The following ZBTB44 variants were observed in gnomAD, a reference collection of about 807,000 sequenced individuals.
ZBTB44 encodes the protein zinc finger and BTB domain-containing protein 44.
A neutral mutation model predicts 54.0 loss-of-function variants in ZBTB44; 15 were observed. That is an observed-to-expected ratio of 0.28 (90% CI 0.19 to 0.43). ZBTB44 has a LOEUF of 0.43. Among genes scored for constraint, ZBTB44 ranks in the 20% least tolerant of loss-of-function variants. The probability of loss-of-function intolerance (pLI) is 1.00; values close to 1 mark genes in which losing one functional copy is unlikely to be tolerated. For synonymous variants in ZBTB44, 230 were observed against 250.1 expected (o/e 0.92, Z 0.76); for missense variants, 487 against 707.1 (o/e 0.69, Z 3.53).
intron 1 of ZBTB44, among the ~76,000 whole-genome samples, chr11:130,273,474 G>A (rs1939831011): frequency 6.6e-6 from 1 of 151,768 alleles, no homozygotes; most frequent in Non-Finnish European, 1.5e-5. Context: ...CAACATGCCT[G>A]GCTAATTTTT....
chr11:130,263,223 G>C (rs1939006251), intron 1 of ZBTB44, among the ~76,000 whole-genome samples: 1 of 152,184 alleles, frequency 6.6e-6, no homozygotes, highest in South Asian at 2.1e-4. Flanking sequence ...AGTAACAGAA[G>C]TTCGAATGTA....
intron 1 of ZBTB44, among the ~76,000 whole-genome samples, chr11:130,278,999 T>G (rs890204889): frequency 6.6e-6 from 1 of 152,148 alleles, no homozygotes; most frequent in Admixed American, 6.5e-5. Context: ...TCTGCATGCC[T>G]CATAATTTTT....
chr11:130,265,692 A>G (rs1023293084), intron 1 of ZBTB44, among the ~76,000 whole-genome samples: 1 of 152,208 alleles, frequency 6.6e-6, no homozygotes, highest in African/African-American at 2.4e-5. Flanking sequence ...ACATGCAGAA[A>G]GTTTGCCTGG....
intron 1 of ZBTB44, among the ~76,000 whole-genome samples, chr11:130,262,852 G>C (rs1447412113): frequency 6.6e-6 from 1 of 152,170 alleles, no homozygotes; most frequent in African/African-American, 2.4e-5. Context: ...GAGCTCAGGA[G>C]TCCAAGACCA....
intron 1 of ZBTB44, among the ~76,000 whole-genome samples, chr11:130,301,739 C>A (rs1490497714): frequency 6.6e-6 from 1 of 152,046 alleles, no homozygotes; most frequent in East Asian, 1.9e-4. Context: ...CTGCTTTGAA[C>A]CATTTTATAT....
chr11:130,237,156 C>T (rs1300749067), intron 4 of ZBTB44, 63 bp from the exon 5 acceptor site: 3 of 1,377,116 alleles, frequency 2.2e-6, no homozygotes, highest in Non-Finnish European at 2.8e-6. Context: ...ATAAACCCTA[C>T]AAATTTCTGA....
In ZBTB44 at chr11:130,261,747, G is replaced by A; in HGVS notation, c.127C>T (p.Arg43Trp). The A allele has an allele frequency of 1.2e-6, 2 of 1,613,992 alleles. No homozygotes were observed. Among genetic ancestry groups the A allele is most frequent in the Non-Finnish European group, 8.5e-7 (1 of 1,179,902 alleles). The stretch of plus-strand genomic sequence containing the variant: ...GCTGCTAGTACCACCTTATGTGCCC[G>A]GAAGATTTTGTCCTGGACACGAATA... Reference protein sequence around the residue: ...ITIRVQDKIFRAHKVVLAACS... With the variant: ...ITIRVQDKIFWAHKVVLAACS... The change falls in exon 2 of 8, where the codon CGG (arginine) becomes TGG (tryptophan). Residue 43 changes from arginine (R) to tryptophan (W), a missense_variant. Coordinates refer to ENST00000357899, the MANE Select transcript of ZBTB44 (RefSeq NM_001301098.2). This position sits in a 1 kb window ranked among gnomAD's most constrained non-coding sequence, Gnocchi z 4.8.
At chr11:130,305,662 A>C (rs1310360807) in intron 1 of ZBTB44, among the ~76,000 whole-genome samples, 1 of 152,248 alleles carries the variant, frequency 6.6e-6, no homozygotes, top group African/African-American at 2.4e-5. Flanking sequence ...ATTCTGGAAG[A>C]TAACATCAGA....
intron 2 of ZBTB44, among the ~76,000 whole-genome samples, chr11:130,246,533 A>C (rs374569614): frequency 1.3e-5 from 2 of 152,092 alleles, no homozygotes; most frequent in East Asian, 3.9e-4. Flanking sequence ...TCTCTCCCCA[A>C]TTAGAAGTGC....
intron 1 of ZBTB44, among the ~76,000 whole-genome samples, chr11:130,283,219 T>C (rs1038200568): frequency 2.0e-5 from 3 of 151,958 alleles, no homozygotes; most frequent in Non-Finnish European, 4.4e-5. Flanking sequence ...AATTTTTTTG[T>C]ATTTTTAGTA....
In ZBTB44 at chr11:130,236,781, T is replaced by C; in HGVS notation, c.1568+12A>G. ...GCAGTTTTCCTGGTTGGGTTTTCGT[T>C]GTGCACCTCACCTGCTCTGGAAGTA... On this transcript the variant is annotated intron_variant, in intron 5 of 7. Coordinates refer to ENST00000357899, the MANE Select transcript of ZBTB44 (RefSeq NM_001301098.2). 7.5e-7 allele frequency: 1 copy of C among 1,329,032 alleles called. No homozygotes were observed. Among genetic ancestry groups the C allele is most frequent in the Non-Finnish European group, 9.6e-7 (1 of 1,041,058 alleles). 82.3% of individuals were successfully genotyped at this position (1,329,032 alleles called of 1,614,324 possible). A position where few individuals can be genotyped will look rare whatever the true frequency, so the allele number is the denominator to read the frequency against.
At chr11:130,293,954 C>T (rs978500438) in intron 1 of ZBTB44, among the ~76,000 whole-genome samples, 1 of 152,122 alleles carries the variant, frequency 6.6e-6, no homozygotes, top group Non-Finnish European at 1.5e-5. Flanking sequence ...AAATCAGAAA[C>T]ATTAAATGAT....
At chr11:130,243,617 A>G (rs1954489033) in intron 2 of ZBTB44, among the ~76,000 whole-genome samples, 5 of 152,224 alleles carry the variant, frequency 3.3e-5, no homozygotes, top group African/African-American at 1.2e-4. Context: ...TTCTGACAGT[A>G]CAATCCCAAA....
chr11:130,240,084 C>T (rs1450916140), intron 2 of ZBTB44, among the ~76,000 whole-genome samples, 188 bp from the exon 3 acceptor site: 1 of 150,924 alleles, frequency 6.6e-6, no homozygotes, highest in East Asian at 1.9e-4. Context: ...CTCTGTCGCC[C>T]AGGCTGGAGT....
intron 2 of ZBTB44, among the ~76,000 whole-genome samples, chr11:130,245,580 T>TA (rs1413590167): frequency 6.6e-6 from 1 of 151,818 alleles, no homozygotes; most frequent in Non-Finnish European, 1.5e-5. Flanking sequence ...GTGATAAGGG[T>TA]AGGCCAAGAA....
intron 2 of ZBTB44, among the ~76,000 whole-genome samples, chr11:130,241,968 G>A (rs925893082): frequency 1.6e-4 from 25 of 152,206 alleles, no homozygotes; most frequent in African/African-American, 6.0e-4. Context: ...ATCTGTCCTT[G>A]TATTAATGCC....
intron 1 of ZBTB44, among the ~76,000 whole-genome samples, chr11:130,274,922 T>C (rs1939950002): frequency 6.6e-6 from 1 of 152,218 alleles, no homozygotes; most frequent in South Asian, 2.1e-4. Context: ...TTGGAAGAGT[T>C]TGTAAAGAAT....
intron 1 of ZBTB44, among the ~76,000 whole-genome samples, chr11:130,281,610 GA>G (rs1241018249): frequency 2.0e-5 from 3 of 151,544 alleles, no homozygotes; most frequent in Admixed American, 6.6e-5. Context: ...TTGGGGGGGG[GA>G]TGGAGTCTCG....
At position 130,230,408 on chromosome 11, in the gene ZBTB44, TGAAAG is replaced by T. The variant is rs1565638075; in HGVS notation, c.*1351_*1355del. The T allele has an allele frequency of 1.6e-5, 2 of 125,908 alleles. No homozygotes were observed. The highest frequency in any genetic ancestry group is 3.2e-5 in the Non-Finnish European group (2 of 61,786). 7.8% of individuals were successfully genotyped at this position (125,908 alleles called of 1,614,324 possible). A position where few individuals can be genotyped will look rare whatever the true frequency, so the allele number is the denominator to read the frequency against. Reference sequence around the variant, plus strand: ...CATTTGGCAAAGTATTTTAACAAGATGAAAGTTTTTTTTTTTTTTTTTTTTTGCTA... The same window carrying T: ...CATTTGGCAAAGTATTTTAACAAGATTTTTTTTTTTTTTTTTTTTTTGCTA... On this transcript the variant is annotated 3_prime_UTR_variant, in exon 8 of 8. Transcript: ENST00000357899.
Sources: gnomAD v4.1 joint callset for allele counts (sites outside exome capture counted in the v4.1 genomes callset) on GRCh38, gnomAD v4.1.1 for gene constraint, Gnocchi (gnomAD v3.1) non-coding constraint, MANE v1.5 for transcripts, NCBI Gene and HGNC (gene_info 2026-07-23, HGNC 2026-07-21) for gene names.